KIAA0586: variants seen among roughly 807,000 people sequenced by gnomAD.
The protein encoded by KIAA0586 is protein TALPID3.
A neutral mutation model predicts 169.8 loss-of-function variants in KIAA0586; 144 were observed. That is an observed-to-expected ratio of 0.85 (90% CI 0.74 to 0.97). The LOEUF is 0.97. Among genes scored for constraint, KIAA0586 ranks in the 50% least tolerant of loss-of-function variants. The pLI is 0.00. For synonymous variants in KIAA0586, 625 were observed against 612.4 expected (o/e 1.02, Z -0.30); for missense variants, 1,854 against 1,823.0 (o/e 1.02, Z -0.31).
intron 29 of KIAA0586, among the ~76,000 whole-genome samples, chr14:58,526,873 A>T (rs1342178885): frequency 1.3e-5 from 2 of 152,186 alleles, no homozygotes; most frequent in African/African-American, 4.8e-5. Context: ...AAACCTAAAT[A>T]GTCTGAGTAT....
chr14:58,521,301 G>T, intron 29 of KIAA0586: 1 of 1,136,020 alleles, frequency 8.8e-7, no homozygotes, highest in Non-Finnish European at 1.3e-6. Context: ...CAACACTCTT[G>T]TGCTCCAGAA....
At chr14:58,556,684 C>G in the KIAA0586 span, among the ~76,000 whole-genome samples, 2 of 151,944 alleles carry the variant, frequency 1.3e-5, no homozygotes, top group African/African-American at 2.4e-5. Flanking sequence ...ACTCTTTTTT[C>G]TAGTTTCTTT....
chr14:58,427,994 A>C lies in KIAA0586; in HGVS notation c.-271A>C. The C allele has an allele frequency of 7.0e-7, 1 of 1,422,666 alleles. No homozygotes were observed. Among genetic ancestry groups the C allele is most frequent in the Non-Finnish European group, 9.1e-7 (1 of 1,095,298 alleles). The allele number at this position is 1,422,666 out of a possible 1,614,324, so 88.1% of individuals were successfully genotyped here. A position where few individuals can be genotyped will look rare whatever the true frequency, so the allele number is the denominator to read the frequency against. ...GGTTGGGGAGTGCACTGTTATGGTT[A>C]TTGTTGCTCCTGTGGCCATTCTCTT... On this transcript the variant is annotated 5_prime_UTR_variant, in exon 1 of 31. Transcript: ENST00000652326.
intron 10 of KIAA0586, 119 bp downstream of exon 10, chr14:58,456,929 T>C (rs758119731): frequency 6.2e-6 from 4 of 641,370 alleles, no homozygotes; most frequent in South Asian, 6.0e-5. Flanking sequence ...GAAAAAGATA[T>C]GTCAGCCACA....
At chr14:58,495,110 G>C (rs2043076633) in intron 26 of KIAA0586, among the ~76,000 whole-genome samples, 1 of 152,104 alleles carries the variant, frequency 6.6e-6, no homozygotes, top group South Asian at 2.1e-4. Flanking sequence ...TTTCACCTCT[G>C]TAGTTACTCC....
chr14:58,547,746 G>T, intron 30 of KIAA0586, 35 bp from the exon 31 acceptor site: 2 of 1,575,132 alleles, frequency 1.3e-6, no homozygotes, highest in Non-Finnish European at 1.7e-6. Context: ...CTCAGGTTAC[G>T]CATGTTGAGC....
chr14:58,430,391 T>G (rs1233841895), intron 2 of KIAA0586, among the ~76,000 whole-genome samples: 2 of 152,210 alleles, frequency 1.3e-5, no homozygotes, highest in African/African-American at 4.8e-5. Flanking sequence ...GGTTTGAGTC[T>G]GAATCTCAGT....
At position 58,488,834 on chromosome 14, in the gene KIAA0586, A is replaced by T; in HGVS notation, c.3741A>T (p.Gly1247=). The T allele has an allele frequency of 6.2e-7, 1 of 1,613,902 alleles. No homozygotes were observed. Among genetic ancestry groups the T allele is most frequent in the Non-Finnish European group, 8.5e-7 (1 of 1,179,812 alleles). The change falls in exon 24 of 31, where the codon GGA becomes GGT. Residue 1247 remains glycine (G), a synonymous_variant. Transcript: ENST00000652326. ...TETLDKPISE[G]EILFSCGQKL... is the part of the protein sequence containing the mutation. Reference sequence around the variant, plus strand: ...CTTTAGATAAACCCATCTCTGAAGGAGAGATTTTATTTAGCTGTGGTCAAA... The same window carrying T: ...CTTTAGATAAACCCATCTCTGAAGGTGAGATTTTATTTAGCTGTGGTCAAA...
chr14:58,555,033 A>C (rs1220852267), downstream of KIAA0586, among the ~76,000 whole-genome samples: 1 of 150,060 alleles, frequency 6.7e-6, no homozygotes, highest in Non-Finnish European at 1.5e-5. Flanking sequence ...AATTCCCTGT[A>C]TTGGGAACAC....
Position 58,548,800 on chromosome 14 carries a change from G to A in KIAA0586, c.*868G>A, listed in dbSNP as rs1418566337. The A allele has an allele frequency of 6.6e-6, 1 of 152,046 alleles. No homozygotes were observed. The highest frequency in any genetic ancestry group is 1.5e-5 in the Non-Finnish European group (1 of 67,994). The allele number at this position is 152,046 out of a possible 1,614,324, so 9.4% of individuals were successfully genotyped here. A position where few individuals can be genotyped will look rare whatever the true frequency, so the allele number is the denominator to read the frequency against. On this transcript the variant is annotated 3_prime_UTR_variant, in exon 31 of 31. Coordinates refer to ENST00000652326, the MANE Select transcript of KIAA0586 (RefSeq NM_001329943.3). ...GCAACATAAATACATAAAATTAAAG[G>A]AAAATAAAAAGCATTGCTTCGTAAT...
chr14:58,436,110 T>A (rs1386096500), intron 4 of KIAA0586, among the ~76,000 whole-genome samples: 2 of 152,164 alleles, frequency 1.3e-5, no homozygotes, highest in East Asian at 3.8e-4. Flanking sequence ...TGTCCATTAT[T>A]TTTTAAACTT....
chr14:58,509,348 G>T (rs1308891563), intron 28 of KIAA0586, among the ~76,000 whole-genome samples: 1 of 152,166 alleles, frequency 6.6e-6, no homozygotes, highest in East Asian at 1.9e-4. Context: ...TGCTTGATAA[G>T]TGTTTATTAC....
intron 12 of KIAA0586, 31 bp downstream of exon 12, chr14:58,458,576 T>G (rs1388265951): frequency 1.6e-6 from 2 of 1,230,876 alleles, no homozygotes; most frequent in Non-Finnish European, 2.3e-6. Flanking sequence ...GAAAATTAAG[T>G]GAATTCTCAG....
At chr14:58,559,396 G>A in the KIAA0586 span, among the ~76,000 whole-genome samples, 1 of 152,178 alleles carries the variant, frequency 6.6e-6, no homozygotes, top group African/African-American at 2.4e-5. Context: ...AATGGGAAGT[G>A]CCCTGGATAA....
downstream of KIAA0586, among the ~76,000 whole-genome samples, chr14:58,551,786 A>G (rs760852700): frequency 5.3e-5 from 8 of 152,126 alleles, no homozygotes; most frequent in Non-Finnish European, 8.8e-5. Context: ...TTATTATTAT[A>G]TAATTGAAAT....
intron 10 of KIAA0586, among the ~76,000 whole-genome samples, chr14:58,457,227 T>G (rs2039938951): frequency 6.6e-6 from 1 of 152,204 alleles, no homozygotes; most frequent in South Asian, 2.1e-4. Context: ...AGCACTGCTA[T>G]GGATTTCTCA....
the KIAA0586 span, among the ~76,000 whole-genome samples, chr14:58,561,288 C>T: frequency 0.24 from 37,166 of 152,018 alleles, 4,627 homozygotes; most frequent in Middle Eastern, 0.35. Flanking sequence ...ACATTTACAT[C>T]TGGATTTCTC....
At position 58,488,874 on chromosome 14, in the gene KIAA0586, A is replaced by G. The variant is rs769870309; in HGVS notation, c.3781A>G (p.Ile1261Val). 5.0e-6 allele frequency: 8 copies of G among 1,613,138 alleles called. No homozygotes were observed. In the South Asian group the frequency reaches 7.7e-5, roughly 16 times the overall value. Reference sequence around the variant, plus strand: ...CTGTGGTCAAAAATTGGCCCCCAAGAGTAAGTTAATTTGTATTAGTTGATT... The same window carrying G: ...CTGTGGTCAAAAATTGGCCCCCAAGGGTAAGTTAATTTGTATTAGTTGATT... ...FSCGQKLAPK[I>V]LEDIGLYLTN... The change falls in exon 24 of 31, where the codon ATT becomes GTT. Residue 1261 changes from isoleucine (I) to valine (V), a missense_variant and splice_region_variant. Ile to Val is a conservative substitution (Grantham distance 29, BLOSUM62 3). Coordinates refer to ENST00000652326, the MANE Select transcript of KIAA0586 (RefSeq NM_001329943.3).
chr14:58,444,268 T>C, intron 6 of KIAA0586, 93 bp downstream of exon 6: 1 of 789,516 alleles, frequency 1.3e-6, no homozygotes. Context: ...GCTCATTAGA[T>C]TGTAACAGTT....
Sources: allele counts gnomAD v4.1 joint callset (sites outside exome capture counted in the v4.1 genomes callset), GRCh38; gene constraint gnomAD v4.1.1; transcripts MANE v1.5; gene names NCBI Gene and HGNC (gene_info 2026-07-23, HGNC 2026-07-21).